The following DRC8 variants were observed in gnomAD, a reference collection of about 807,000 sequenced individuals.
DRC8 encodes the protein dynein regulatory complex protein 8.
chr1:245,099,449 GC>G, the DRC8 span, among the ~76,000 whole-genome samples: 6 of 152,172 alleles, frequency 3.9e-5, no homozygotes, highest in Non-Finnish European at 5.9e-5. Context: ...ACAGCCACCA[GC>G]CCTGCCCACC....
At chr1:245,002,306 C>G in the DRC8 span, 1 of 1,267,894 alleles carries the variant, frequency 7.9e-7, no homozygotes, top group Non-Finnish European at 1.1e-6. Context: ...AGCCTTGCTT[C>G]CTTCCAGTTA....
chr1:244,979,292 C>CTTTTTTTTTTTTTTT, the DRC8 span, among the ~76,000 whole-genome samples: 1 of 51,370 alleles, frequency 1.9e-5, no homozygotes, highest in Non-Finnish European at 3.1e-5. Flanking sequence ...CGAAGCTTAT[C>CTTTTTTTTTTTTTTT]TTTTTTTTTT....
At chr1:245,083,618 C>T in the DRC8 span, 2 of 1,606,218 alleles carry the variant, frequency 1.2e-6, no homozygotes, top group Non-Finnish European at 1.7e-6. Flanking sequence ...TTCTTTTCCC[C>T]TAGGTTTTAG....
the DRC8 span, among the ~76,000 whole-genome samples, chr1:245,120,643 A>G: frequency 6.6e-6 from 1 of 152,100 alleles, no homozygotes; most frequent in African/African-American, 2.4e-5. Flanking sequence ...CATTTTTCAA[A>G]CATTTTATTT....
At chr1:245,109,401 C>T in the DRC8 span, among the ~76,000 whole-genome samples, 1 of 152,242 alleles carries the variant, frequency 6.6e-6, no homozygotes, top group East Asian at 1.9e-4. Context: ...CCCAGAGGTC[C>T]CCACTGCCCA....
chr1:245,002,050 C>A, the DRC8 span: 1 of 1,233,744 alleles, frequency 8.1e-7, no homozygotes, highest in Non-Finnish European at 1.2e-6. Flanking sequence ...TTTATTTTTT[C>A]ATCACGTAAT....
At chr1:245,004,197 G>T in the DRC8 span, among the ~76,000 whole-genome samples, 1 of 152,058 alleles carries the variant, frequency 6.6e-6, no homozygotes, top group African/African-American at 2.4e-5. Flanking sequence ...CTATAGGTGT[G>T]AGCCATGGTA....
the DRC8 span, among the ~76,000 whole-genome samples, chr1:245,079,405 T>C: frequency 1.3e-5 from 2 of 152,222 alleles, no homozygotes; most frequent in Non-Finnish European, 2.9e-5. Flanking sequence ...TGTTTTGTTT[T>C]AACTTATTTT....
At chr1:245,070,964 G>A in the DRC8 span, among the ~76,000 whole-genome samples, 1 of 152,170 alleles carries the variant, frequency 6.6e-6, no homozygotes, top group Admixed American at 6.5e-5. Context: ...ATCCCCTCTG[G>A]GGGCCACAGC....
chr1:244,980,532 G>A, the DRC8 span, among the ~76,000 whole-genome samples: 1 of 152,240 alleles, frequency 6.6e-6, no homozygotes, highest in Middle Eastern at 3.4e-3. Flanking sequence ...CTGAACCAAA[G>A]TAATGGAAGT....
the DRC8 span, chr1:245,122,339 A>G: frequency 6.4e-6 from 1 of 155,944 alleles, no homozygotes; most frequent in Non-Finnish European, 1.4e-5. Flanking sequence ...CGAAGGGTGA[A>G]GAAACGAGGC....
the DRC8 span, among the ~76,000 whole-genome samples, chr1:245,025,077 C>A: frequency 7.2e-5 from 11 of 151,992 alleles, no homozygotes; most frequent in South Asian, 1.0e-3. Flanking sequence ...AAATTACACA[C>A]CTTTGGAGTA....
At chr1:244,978,140 G>T in the DRC8 span, among the ~76,000 whole-genome samples, 1 of 152,118 alleles carries the variant, frequency 6.6e-6, no homozygotes, top group Admixed American at 6.5e-5. Context: ...CTCTAGTATG[G>T]ATTTTATAGA....
At chr1:245,104,509 AAAAAAAAAAGAAAAG>A in the DRC8 span, among the ~76,000 whole-genome samples, 1 of 151,828 alleles carries the variant, frequency 6.6e-6, no homozygotes, top group African/African-American at 2.4e-5. Context: ...GTCATAAAAA[AAAAAAAAAAGAAAAG>A]AAAAAAGAAT....
the DRC8 span, among the ~76,000 whole-genome samples, chr1:245,080,725 T>C: frequency 6.6e-6 from 1 of 152,222 alleles, no homozygotes; most frequent in African/African-American, 2.4e-5. Context: ...CCTTGTCATA[T>C]CTGCTTAGAC....
chr1:245,014,485 T>C, the DRC8 span, among the ~76,000 whole-genome samples: 1 of 152,212 alleles, frequency 6.6e-6, no homozygotes, highest in Non-Finnish European at 1.5e-5. Flanking sequence ...TGCTGTGTTA[T>C]AATAAAGAAA....
the DRC8 span, among the ~76,000 whole-genome samples, chr1:245,104,845 C>G: frequency 6.6e-6 from 1 of 152,248 alleles, no homozygotes; most frequent in Non-Finnish European, 1.5e-5. Flanking sequence ...GCTCTTGTCT[C>G]ATAAATATGC....
At chr1:245,114,186 C>T in the DRC8 span, among the ~76,000 whole-genome samples, 7 of 151,934 alleles carry the variant, frequency 4.6e-5, no homozygotes, top group South Asian at 4.1e-4. Context: ...CTGCCTGGGC[C>T]GGGTGTGGTG....
the DRC8 span, among the ~76,000 whole-genome samples, chr1:245,098,519 C>T: frequency 2.6e-5 from 4 of 152,164 alleles, no homozygotes; most frequent in Non-Finnish European, 4.4e-5. Flanking sequence ...TATTCCGTCC[C>T]CCATCCTGTG....
Sources: gnomAD v4.1 joint callset for allele counts (sites outside exome capture counted in the v4.1 genomes callset) on GRCh38, gnomAD v4.1.1 for gene constraint, MANE v1.5 for transcripts, NCBI Gene and HGNC (gene_info 2026-07-23, HGNC 2026-07-21) for gene names.